The following AGO2 variants were observed in gnomAD, a reference collection of about 807,000 sequenced individuals.
AGO2 encodes the protein protein argonaute-2.
In AGO2, 5 loss-of-function variants were observed where a neutral mutation model predicts 102.3. The ratio of observed to expected loss-of-function variants is 0.05; its 90% CI spans 0.03 to 0.10. AGO2 has a LOEUF of 0.10. AGO2 is among the 10% of genes least tolerant of loss of function. AGO2 has a pLI of 1.00. For synonymous variants in AGO2, 449 were observed against 473.1 expected (o/e 0.95, Z 0.66); for missense variants, 541 against 1,183.7 (o/e 0.46, Z 7.97).
intron 3 of AGO2, among the ~76,000 whole-genome samples, chr8:140,565,444 A>C (rs1453529801): frequency 6.7e-6 from 1 of 150,164 alleles, no homozygotes; most frequent in Non-Finnish European, 1.5e-5. Flanking sequence ...GTCTCAAAAA[A>C]AAAAAAAAAC....
chr8:140,620,768 T>C (rs2074207811), intron 1 of AGO2, among the ~76,000 whole-genome samples: 1 of 151,946 alleles, frequency 6.6e-6, no homozygotes, highest in Non-Finnish European at 1.5e-5. Flanking sequence ...GGCAGGAGGA[T>C]CGTTTGAGCA....
At chr8:140,565,782 G>A (rs1399095415) in intron 3 of AGO2, among the ~76,000 whole-genome samples, 1 of 152,098 alleles carries the variant, frequency 6.6e-6, no homozygotes, top group Non-Finnish European at 1.5e-5. Flanking sequence ...TTTTGGGGGA[G>A]TCAAAAGTCA....
At chr8:140,568,961 C>T (rs921349737) in intron 3 of AGO2, among the ~76,000 whole-genome samples, 3 of 152,240 alleles carry the variant, frequency 2.0e-5, no homozygotes, top group Non-Finnish European at 2.9e-5. Context: ...CCAGGCTGGG[C>T]AGGCTCCCTG....
intron 1 of AGO2, among the ~76,000 whole-genome samples, chr8:140,633,952 C>T (rs1401088347): frequency 2.6e-5 from 4 of 152,192 alleles, no homozygotes; most frequent in Non-Finnish European, 5.9e-5. Flanking sequence ...CTTTTAAAAC[C>T]GATAACCTGA....
At chr8:140,560,940 C>T (rs940027868) in intron 4 of AGO2, among the ~76,000 whole-genome samples, 10 of 152,260 alleles carry the variant, frequency 6.6e-5, no homozygotes, top group East Asian at 3.8e-4. Context: ...CAGCCCCAGC[C>T]GTGGGGAGAC....
rs2292778 is a variant in AGO2, at chr8:140,558,523, G to A, written c.840C>T (p.Arg280=). 892,643 of 1,613,924 alleles carry A rather than the reference G, an allele frequency of 0.55. 251,392 individuals are homozygous for A. Among genetic ancestry groups the A allele is most frequent in the African/African-American group, 0.82 (61,860 of 75,002 alleles). ...THCGQMKRKY[R]VCNVTRRPAS... is the part of the protein sequence containing the mutation. ...CGGGCCGCCGGGTCACATTGCAGAC[G>A]CGGTACTTCCTCTTCATCTGCCCAC... The change falls in exon 7 of 19, where the codon CGC becomes CGT. Residue 280 remains arginine (R), a synonymous_variant. Transcript: ENST00000220592.
At chr8:140,538,797 G>A (rs2072741737) in intron 16 of AGO2, among the ~76,000 whole-genome samples, 1 of 152,176 alleles carries the variant, frequency 6.6e-6, no homozygotes, top group Admixed American at 6.5e-5. Flanking sequence ...AGGCCTGTGG[G>A]ATTTATAAAT....
intron 1 of AGO2, among the ~76,000 whole-genome samples, chr8:140,604,212 T>C (rs2073965517): frequency 1.3e-5 from 2 of 152,206 alleles, no homozygotes; most frequent in African/African-American, 2.4e-5. Flanking sequence ...TCAGAATGAG[T>C]GCAGCGTGCT....
chr8:140,548,921 C>T (rs146456889), intron 12 of AGO2, among the ~76,000 whole-genome samples, 193 bp downstream of exon 12: 242 of 152,352 alleles, frequency 1.6e-3, no homozygotes, highest in African/African-American at 5.1e-3. Context: ...TCATACAGGA[C>T]GACGGGGAGG....
At chr8:140,609,371 G>A (rs916048194) in intron 1 of AGO2, among the ~76,000 whole-genome samples, 4 of 152,224 alleles carry the variant, frequency 2.6e-5, no homozygotes, top group African/African-American at 9.6e-5. Flanking sequence ...GAGATCACAG[G>A]GGCTCCAGCC....
At chr8:140,595,948 T>TTA (rs1491342174) in intron 1 of AGO2, among the ~76,000 whole-genome samples, 1 of 53,070 alleles carries the variant, frequency 1.9e-5, no homozygotes, top group South Asian at 5.6e-4. Flanking sequence ...AATATATATT[T>TTA]TATATATAAT....
At position 140,526,460 on chromosome 8, in the gene AGO2, G is replaced by C. The variant is rs374225940; in HGVS notation, c.*5584C>G. On this transcript the variant is annotated 3_prime_UTR_variant, in exon 19 of 19. Transcript: ENST00000220592. The surrounding 1 kb of genome is among the most constrained non-coding windows in gnomAD (Gnocchi z 5.2). ...GCTGCGCAGAACAGAGGTGACCCTG[G>C]TCCACCTGACACAGTAGAGGAGGAG... 4.6e-5 allele frequency: 7 copies of C among 152,276 alleles called. No individual in the cohort carries two copies. The East Asian group carries it at 5.8e-4, about 13-fold the overall frequency. The allele number at this position is 152,276 out of a possible 1,614,324, so 9.4% of individuals were successfully genotyped here. A position where few individuals can be genotyped will look rare whatever the true frequency, so the allele number is the denominator to read the frequency against.
chr8:140,639,018 C>T (rs569569430), upstream of AGO2, among the ~76,000 whole-genome samples: 110 of 152,292 alleles, frequency 7.2e-4, no homozygotes, highest in African/African-American at 2.6e-3. Context: ...ACTAGGACTA[C>T]AAGAGTATCC....
intron 1 of AGO2, among the ~76,000 whole-genome samples, chr8:140,627,230 G>T (rs1285175228): frequency 6.6e-6 from 1 of 152,216 alleles, no homozygotes; most frequent in African/African-American, 2.4e-5. Flanking sequence ...ACAGGGCAAA[G>T]CACCCTCGAG....
rs750345993 is a variant in AGO2 at position 140,520,607 on chromosome 8, G to A, written c.*11437C>T. ...GAGAAATGTGAAGACGGGCTCTCTG[G>A]AGAGACCAGAGGCTCGGGCTGCCTG... On this transcript the variant is annotated 3_prime_UTR_variant, in exon 19 of 19. Transcript: ENST00000220592. 1 of 152,038 alleles carries A rather than the reference G, an allele frequency of 6.6e-6. No individual in the cohort carries two copies. The highest frequency in any genetic ancestry group is 1.5e-5 in the Non-Finnish European group (1 of 68,006). The allele number at this position is 152,038 out of a possible 1,614,324, so 9.4% of individuals were successfully genotyped here.
At chr8:140,603,239 G>A (rs1424722123) in intron 1 of AGO2, among the ~76,000 whole-genome samples, 6 of 152,152 alleles carry the variant, frequency 3.9e-5, no homozygotes, top group South Asian at 4.1e-4. Context: ...AGATCTCATC[G>A]GGAAGTCTGT....
At chr8:140,599,783 G>A (rs1412007548) in intron 1 of AGO2, among the ~76,000 whole-genome samples, 2 of 152,080 alleles carry the variant, frequency 1.3e-5, no homozygotes, top group African/African-American at 2.4e-5. Flanking sequence ...GTACAGGGGC[G>A]CAATCTCGGC....
rs1240932088 is a variant in AGO2, at chr8:140,525,447, CTT to C, written c.*6595_*6596del. ...GGGACACCCACGGGGGCCCAAGCCT[CTT>C]GAGGTCGGTCCGCACAGAACAGCGT... On this transcript the variant is annotated 3_prime_UTR_variant, in exon 19 of 19. Coordinates refer to ENST00000220592, the MANE Select transcript of AGO2 (RefSeq NM_012154.5). 1 of 152,332 alleles carries C rather than the reference CTT, an allele frequency of 6.6e-6. No homozygotes were observed. The highest frequency in any genetic ancestry group is 1.5e-5 in the Non-Finnish European group (1 of 68,112). The allele number at this position is 152,332 out of a possible 1,614,324, so 9.4% of individuals were successfully genotyped here.
At chr8:140,586,897 G>A (rs545608260) in intron 1 of AGO2, among the ~76,000 whole-genome samples, 1 of 152,294 alleles carries the variant, frequency 6.6e-6, no homozygotes, top group Admixed American at 6.5e-5. Context: ...GGGGAGGAGA[G>A]TCACTGTCCT....
Sources: allele counts gnomAD v4.1 joint callset (sites outside exome capture counted in the v4.1 genomes callset), GRCh38; gene constraint gnomAD v4.1.1; non-coding constraint Gnocchi (gnomAD v3.1); transcripts MANE v1.5; gene names NCBI Gene and HGNC (gene_info 2026-07-23, HGNC 2026-07-21).